SHANK2: variants seen among roughly 807,000 people sequenced by gnomAD.
The protein encoded by SHANK2 is SH3 and multiple ankyrin repeat domains protein 2.
A neutral mutation model predicts 133.7 loss-of-function variants in SHANK2; 43 were observed. That is an observed-to-expected ratio of 0.32 (90% CI 0.25 to 0.41). The LOEUF (loss-of-function observed/expected upper bound fraction) is 0.41, where lower values mean the gene tolerates loss of function less well. Among genes scored for constraint, SHANK2 ranks in the 10% least tolerant of loss-of-function variants. SHANK2 has a pLI of 1.00. For missense variants in SHANK2, 1,994 were observed against 2,235.8 expected (o/e 0.89, Z 2.18); for synonymous variants, 1,017 against 952.8 (o/e 1.07, Z -1.24).
intron 14 of SHANK2, among the ~76,000 whole-genome samples, chr11:70,795,035 G>A (rs1947877243): frequency 6.6e-6 from 1 of 152,086 alleles, no homozygotes; most frequent in African/African-American, 2.4e-5. Context: ...ACACCCAAGG[G>A]CAAGCAGAAC....
chr11:70,469,653 T>C lies in SHANK2; in HGVS notation c.*3216A>G, dbSNP rs555127405. 51 of 152,656 alleles carry C rather than the reference T, an allele frequency of 3.3e-4. No homozygotes were observed. In the South Asian group the frequency reaches 5.2e-3, roughly 16 times the overall value. 9.5% of individuals were successfully genotyped at this position (152,656 alleles called of 1,614,324 possible). A position where few individuals can be genotyped will look rare whatever the true frequency, so the allele number is the denominator to read the frequency against. The stretch of plus-strand genomic sequence containing the variant: ...TAGTATTTAAAAAACAAAAAAAAAT[T>C]GTTAATGGGAAAATCAATATTGTGG... On this transcript the variant is annotated 3_prime_UTR_variant, in exon 26 of 26. Transcript: ENST00000601538.
At chr11:70,890,937 C>T (rs1949834286) in intron 11 of SHANK2, among the ~76,000 whole-genome samples, 2 of 151,324 alleles carry the variant, frequency 1.3e-5, no homozygotes, top group African/African-American at 4.9e-5. Context: ...GCACTCCAGC[C>T]TGGGTGACAG....
intron 8 of SHANK2, 116 bp from the exon 9 acceptor site, chr11:71,075,391 C>G (rs1308842329): frequency 8.4e-5 from 13 of 155,538 alleles, no homozygotes; most frequent in Admixed American, 4.6e-4. Context: ...CAGGGCAGGG[C>G]CTGTGCAGAC....
At chr11:71,084,303 G>A (rs1046805340) in intron 8 of SHANK2, among the ~76,000 whole-genome samples, 2 of 152,226 alleles carry the variant, frequency 1.3e-5, no homozygotes, top group Non-Finnish European at 2.9e-5. Context: ...TTTGCAGACA[G>A]CCTGAGCTCA....
intron 5 of SHANK2, among the ~76,000 whole-genome samples, chr11:71,111,845 A>G (rs1381103397): frequency 6.6e-6 from 1 of 152,258 alleles, no homozygotes; most frequent in Non-Finnish European, 1.5e-5. Context: ...AGGGTGATAA[A>G]AAACAAAAGC....
chr11:70,782,153 C>T (rs1388050663), intron 14 of SHANK2, among the ~76,000 whole-genome samples: 1 of 151,550 alleles, frequency 6.6e-6, no homozygotes, highest in African/African-American at 2.4e-5. Flanking sequence ...CAACCTCTGC[C>T]TCCTGGGTTC....
chr11:71,232,013 T>A (rs1370371288), intron 1 of SHANK2, among the ~76,000 whole-genome samples: 2 of 151,882 alleles, frequency 1.3e-5, no homozygotes, highest in East Asian at 1.9e-4. Context: ...AACGGATACA[T>A]CCACACCATG....
intron 3 of SHANK2, among the ~76,000 whole-genome samples, chr11:71,126,450 T>C (rs1270480089): frequency 6.6e-6 from 1 of 152,140 alleles, no homozygotes; most frequent in Non-Finnish European, 1.5e-5. Context: ...TACAAGGAGA[T>C]AAACGTTTTC....
intron 12 of SHANK2, among the ~76,000 whole-genome samples, chr11:70,809,052 C>T (rs782524629): frequency 3.3e-5 from 5 of 152,192 alleles, no homozygotes; most frequent in African/African-American, 7.2e-5. Flanking sequence ...AGACAGGACA[C>T]GCAACACAAA....
At chr11:70,695,055 T>C (rs1444899757) in intron 15 of SHANK2, among the ~76,000 whole-genome samples, 2 of 152,050 alleles carry the variant, frequency 1.3e-5, no homozygotes, top group East Asian at 1.9e-4. Context: ...ACAACGATAA[T>C]ACCATCATCC....
At chr11:70,546,407 C>T (rs1197048742) in intron 17 of SHANK2, among the ~76,000 whole-genome samples, 1 of 152,088 alleles carries the variant, frequency 6.6e-6, no homozygotes, top group East Asian at 1.9e-4. Context: ...CCTCCGCCTC[C>T]CCTAAGTATC....
intron 17 of SHANK2, among the ~76,000 whole-genome samples, chr11:70,538,738 A>G (rs1256338994): frequency 6.6e-6 from 1 of 152,174 alleles, no homozygotes; most frequent in African/African-American, 2.4e-5. Context: ...CAGGGGGCAG[A>G]ACAGCCCCCG....
At chr11:70,943,940 CT>C in intron 10 of SHANK2, 1 of 456,680 alleles carries the variant, frequency 2.2e-6, no homozygotes, top group East Asian at 7.0e-5. Context: ...TTAAATATTA[CT>C]TGTTGACTTC....
At chr11:70,489,068 A>AAGTCCT (rs1206620816) in intron 24 of SHANK2, 1 of 480,074 alleles carries the variant, frequency 2.1e-6, no homozygotes, top group Non-Finnish European at 3.7e-6. Flanking sequence ...AAATGAAAAA[A>AAGTCCT]AGTCCTAGGA....
chr11:70,856,694 AT>A (rs1452584550), intron 11 of SHANK2, among the ~76,000 whole-genome samples: 2 of 152,170 alleles, frequency 1.3e-5, no homozygotes, highest in Non-Finnish European at 2.9e-5. Context: ...TTGATACATT[AT>A]TTCATTAAAA....
rs981500543 is a variant in SHANK2 at position 71,059,110 on chromosome 11, G to A, written c.1030-2552C>T. 1.4e-3 allele frequency among the ~76,000 whole-genome samples: 209 copies of A among 152,294 alleles called. 1 individual carries two copies. The highest frequency in any genetic ancestry group is 4.7e-3 in the African/African-American group (194 of 41,566). ...CAGGTGCCTGTAATCCCAGCTACTC[G>A]GGAGGCTGAGGCAGGAGAATCACTT... is the stretch of plus-strand genomic sequence containing the variant. On this transcript the variant is annotated intron_variant, in intron 9 of 25. Transcript: ENST00000601538.
chr11:71,163,094 A>T (rs1403367044), intron 2 of SHANK2, among the ~76,000 whole-genome samples: 2 of 80,448 alleles, frequency 2.5e-5, no homozygotes, highest in African/African-American at 1.1e-4. Flanking sequence ...AAAAAAAAAA[A>T]TACATATATA....
At chr11:70,810,087 C>T (rs184317311) in intron 12 of SHANK2, among the ~76,000 whole-genome samples, 4 of 152,312 alleles carry the variant, frequency 2.6e-5, no homozygotes, top group Admixed American at 1.3e-4. Context: ...CCAAACACCC[C>T]AGGAGTTCCT....
At chr11:70,617,994 TAAA>T (rs1188664947) in intron 17 of SHANK2, among the ~76,000 whole-genome samples, 1 of 151,634 alleles carries the variant, frequency 6.6e-6, no homozygotes, top group East Asian at 1.9e-4. Flanking sequence ...ATAATAATAA[TAAA>T]AAAAAGATGT....
Sources: allele counts gnomAD v4.1 joint callset (sites outside exome capture counted in the v4.1 genomes callset), GRCh38; gene constraint gnomAD v4.1.1; transcripts MANE v1.5; gene names NCBI Gene and HGNC (gene_info 2026-07-23, HGNC 2026-07-21).